PDE1C: variants seen among roughly 807,000 people sequenced by gnomAD.
PDE1C encodes the protein dual specificity calcium/calmodulin-dependent 3',5'-cyclic nucleotide phosphodiesterase 1C.
In PDE1C, 62 loss-of-function variants were observed where a neutral mutation model predicts 93.1. That is an observed-to-expected ratio of 0.67 (90% CI 0.54 to 0.82). PDE1C has a LOEUF of 0.82. Ranked by LOEUF, PDE1C falls within the 40% of genes least tolerant of loss-of-function variation. PDE1C has a pLI of 0.00. For missense variants in PDE1C, 742 were observed against 884.6 expected (o/e 0.84, Z 2.04); for synonymous variants, 325 against 310.1 (o/e 1.05, Z -0.50).
At chr7:31,941,101 C>T (rs578125798) in intron 2 of PDE1C, among the ~76,000 whole-genome samples, 4 of 151,964 alleles carry the variant, frequency 2.6e-5, no homozygotes, top group African/African-American at 9.7e-5. Context: ...AGCTGTTCAC[C>T]CAAAGCACAA....
At chr7:31,951,069 T>C (rs1807302825) in intron 2 of PDE1C, among the ~76,000 whole-genome samples, 1 of 152,188 alleles carries the variant, frequency 6.6e-6, no homozygotes, top group Non-Finnish European at 1.5e-5. Flanking sequence ...AATGGCCTTT[T>C]CTCTTGCGTG....
intron 1 of PDE1C, among the ~76,000 whole-genome samples, chr7:32,245,157 C>A (rs989796509): frequency 3.3e-5 from 5 of 152,134 alleles, no homozygotes; most frequent in Non-Finnish European, 7.4e-5. Context: ...GCACCCACAG[C>A]AACACAGTGT....
chr7:32,338,244 A>G (rs1562680663), intron 1 of PDE1C, among the ~76,000 whole-genome samples: 2 of 152,208 alleles, frequency 1.3e-5, no homozygotes, highest in African/African-American at 4.8e-5. Context: ...TATCCAGACT[A>G]TATGAAGAGC....
At chr7:31,872,507 A>G (rs186698310) in intron 6 of PDE1C, among the ~76,000 whole-genome samples, 1 of 152,284 alleles carries the variant, frequency 6.6e-6, no homozygotes, top group African/African-American at 2.4e-5. Flanking sequence ...ATAAATATAT[A>G]CAATATTTGT....
intron 1 of PDE1C, among the ~76,000 whole-genome samples, chr7:32,358,005 G>T (rs965785839): frequency 6.6e-6 from 1 of 152,218 alleles, no homozygotes; most frequent in Non-Finnish European, 1.5e-5. Flanking sequence ...GGCAGGCAGT[G>T]ACCCCAGCAG....
At chr7:32,126,591 C>T (rs1799593533) in intron 3 of PDE1C, among the ~76,000 whole-genome samples, 1 of 152,012 alleles carries the variant, frequency 6.6e-6, no homozygotes, top group South Asian at 2.1e-4. Context: ...TTGCATAACT[C>T]AGAAAAGGAG....
chr7:32,174,121 T>C (rs961463812), intron 2 of PDE1C, among the ~76,000 whole-genome samples: 6 of 152,028 alleles, frequency 3.9e-5, no homozygotes, highest in African/African-American at 1.5e-4. Flanking sequence ...TTAATGAAGA[T>C]CAGTTCTATG....
chr7:31,710,415 GC>G, the PDE1C span, among the ~76,000 whole-genome samples: 1 of 152,152 alleles, frequency 6.6e-6, no homozygotes, highest in Admixed American at 6.5e-5. Context: ...AGATCACACA[GC>G]CAATTTCTAA....
At chr7:32,265,106 A>G (rs1810472948) in intron 1 of PDE1C, among the ~76,000 whole-genome samples, 1 of 152,232 alleles carries the variant, frequency 6.6e-6, no homozygotes, top group Non-Finnish European at 1.5e-5. Flanking sequence ...CACTCCAGAG[A>G]GAGCAACCTT....
the PDE1C span, among the ~76,000 whole-genome samples, chr7:31,630,686 C>G: frequency 6.6e-6 from 1 of 151,892 alleles, no homozygotes; most frequent in African/African-American, 2.4e-5. Context: ...AAATATATAG[C>G]TTATGAAAAT....
At chr7:31,755,362 G>C (rs918842802) in intron 17 of PDE1C, among the ~76,000 whole-genome samples, 2 of 152,156 alleles carry the variant, frequency 1.3e-5, no homozygotes, top group African/African-American at 4.8e-5. Flanking sequence ...ATCAGCTGAA[G>C]GGGAGGGGGT....
chr7:31,743,576 C>T, the PDE1C span, among the ~76,000 whole-genome samples: 2 of 123,706 alleles, frequency 1.6e-5, no homozygotes, highest in African/African-American at 6.7e-5. Context: ...TGTGTGTGCG[C>T]ACACACACAC....
At chr7:32,105,219 G>A (rs1186988179) in intron 3 of PDE1C, among the ~76,000 whole-genome samples, 7 of 152,146 alleles carry the variant, frequency 4.6e-5, no homozygotes, top group Non-Finnish European at 1.0e-4. Context: ...AAAGGGACAT[G>A]AGATAATTTT....
chr7:32,236,218 A>G (rs1040156869), intron 1 of PDE1C, among the ~76,000 whole-genome samples: 4 of 152,178 alleles, frequency 2.6e-5, no homozygotes, highest in Non-Finnish European at 5.9e-5. Flanking sequence ...TAAATGAGAG[A>G]CATACCACAT....
intron 2 of PDE1C, among the ~76,000 whole-genome samples, chr7:32,022,270 T>C (rs1396149900): frequency 6.6e-6 from 1 of 151,572 alleles, no homozygotes; most frequent in Non-Finnish European, 1.5e-5. Context: ...AACAACAGAG[T>C]AGCAAGAATG....
At chr7:32,247,862 C>T (rs1045684295) in intron 1 of PDE1C, among the ~76,000 whole-genome samples, 22 of 152,208 alleles carry the variant, frequency 1.4e-4, no homozygotes, top group Non-Finnish European at 2.5e-4. Flanking sequence ...ATAACCCCAT[C>T]ATAAGTCTGT....
the PDE1C span, chr7:31,697,116 A>T: frequency 1.9e-6 from 3 of 1,613,692 alleles, no homozygotes; most frequent in Non-Finnish European, 1.7e-6. Context: ...CCTTTGCAGC[A>T]GGTAAAAAAG....
intron 1 of PDE1C, among the ~76,000 whole-genome samples, chr7:32,347,295 A>G (rs114774076): frequency 2.0e-3 from 310 of 152,356 alleles, no homozygotes; most frequent in African/African-American, 7.2e-3. Context: ...ATATCTGAGT[A>G]GTACATGGTA....
At chr7:32,260,785 T>C (rs1490449078) in intron 1 of PDE1C, among the ~76,000 whole-genome samples, 1 of 152,242 alleles carries the variant, frequency 6.6e-6, no homozygotes, top group Non-Finnish European at 1.5e-5. Flanking sequence ...CCTTCTTGCC[T>C]GGGGACCAGT....
Sources: gnomAD v4.1 joint callset for allele counts (sites outside exome capture counted in the v4.1 genomes callset) on GRCh38, gnomAD v4.1.1 for gene constraint, MANE v1.5 for transcripts, NCBI Gene and HGNC (gene_info 2026-07-23, HGNC 2026-07-21) for gene names.